Variants in PDE9A observed in about 807,000 individuals in gnomAD.
PDE9A encodes the protein phosphodiesterase 9A, also known as high affinity cGMP-specific 3',5'-cyclic phosphodiesterase 9A.
In PDE9A, 60 loss-of-function variants were observed where a neutral mutation model predicts 87.4. The observed-to-expected ratio is 0.69, with a 90% CI of 0.56 to 0.85. PDE9A has a LOEUF of 0.85. Ranked by LOEUF, PDE9A falls within the 40% of genes least tolerant of loss-of-function variation. The pLI is 0.00. For missense variants in PDE9A, 665 were observed against 779.0 expected (o/e 0.85, Z 1.74); for synonymous variants, 272 against 279.4 (o/e 0.97, Z 0.27).
chr21:42,668,853 C>G (rs1019118769), intron 1 of PDE9A, among the ~76,000 whole-genome samples: 13 of 147,100 alleles, frequency 8.8e-5, no homozygotes, highest in African/African-American at 3.1e-4. Flanking sequence ...GAACATCCTC[C>G]GTCGGGAGAG....
chr21:42,767,830 A>G (rs1019360790), intron 15 of PDE9A, among the ~76,000 whole-genome samples: 10 of 152,180 alleles, frequency 6.6e-5, no homozygotes, highest in Admixed American at 6.5e-4. Flanking sequence ...CTCCTATGGC[A>G]TGCCCAACCC....
intron 1 of PDE9A, among the ~76,000 whole-genome samples, chr21:42,670,336 TCACATACATTTACACACACATC>T (rs1569117722): frequency 3.2e-5 from 3 of 93,728 alleles, no homozygotes; most frequent in African/African-American, 5.3e-5. Context: ...TCACACACAT[TCACATACATTTACACACACATC>T]CACACACACA....
At chr21:42,732,743 C>T (rs1454337577) in intron 6 of PDE9A, among the ~76,000 whole-genome samples, 2 of 152,032 alleles carry the variant, frequency 1.3e-5, no homozygotes, top group African/African-American at 4.8e-5. Flanking sequence ...GGAGAAACCC[C>T]GTCTCTACGA....
At chr21:42,761,656 A>T (rs978742385) in intron 13 of PDE9A, among the ~76,000 whole-genome samples, 3 of 152,050 alleles carry the variant, frequency 2.0e-5, no homozygotes, top group African/African-American at 7.2e-5. Flanking sequence ...CACCATGCAC[A>T]CCCATCTGTT....
In PDE9A at chr21:42,771,320, A is replaced by T. The variant is rs1231067046; in HGVS notation, c.1686+522A>T. On this transcript the variant is annotated intron_variant, in intron 18 of 19. Coordinates refer to ENST00000291539, the MANE Select transcript of PDE9A (RefSeq NM_002606.3). ...GGGGCTGGCTTTAGGTTGCTGCTGGATAGATATCATTTTGGAGGAAGGGGT... is the reference window on the plus strand; with the variant it reads ...GGGGCTGGCTTTAGGTTGCTGCTGGTTAGATATCATTTTGGAGGAAGGGGT... 2.0e-5 allele frequency among the ~76,000 whole-genome samples: 3 copies of T among 152,160 alleles called. No homozygotes were observed. The East Asian group carries it at 5.8e-4, about 29-fold the overall frequency.
At chr21:42,720,809 C>T (rs1447877968) in intron 4 of PDE9A, among the ~76,000 whole-genome samples, 1 of 152,088 alleles carries the variant, frequency 6.6e-6, no homozygotes, top group Non-Finnish European at 1.5e-5. Flanking sequence ...AGTTCGAGAC[C>T]AGCCTGGCCA....
intron 3 of PDE9A, among the ~76,000 whole-genome samples, chr21:42,698,373 C>T (rs1332262139): frequency 6.6e-6 from 1 of 152,224 alleles, no homozygotes. Flanking sequence ...ATGCCTGTTC[C>T]ATTGGCTGCA....
Position 42,653,713 on chromosome 21 carries a change from G to GGGGGGCCCCC in PDE9A, c.-102_-101insGGGGGCCCCC. 1 of 292,976 alleles carries GGGGGGCCCCC rather than the reference G, an allele frequency of 3.4e-6. No homozygotes were observed. Among genetic ancestry groups the GGGGGGCCCCC allele is most frequent in the Non-Finnish European group, 6.4e-6 (1 of 157,278 alleles). The allele number at this position is 292,976 out of a possible 1,614,324, so 18.1% of individuals were successfully genotyped here. On this transcript the variant is annotated 5_prime_UTR_variant, in exon 1 of 20. Transcript: ENST00000291539. The stretch of plus-strand genomic sequence containing the variant: ...TGTGGTTGGCTGAGCGCCGCGGGCC[G>GGGGGGCCCCC]CCCCCCGCCCGCCCCCTCCCCTGCT...
chr21:42,765,573 A>G (rs991937928), intron 15 of PDE9A, 79 bp downstream of exon 15: 1 of 776,198 alleles, frequency 1.3e-6, no homozygotes, highest in South Asian at 1.4e-5. Flanking sequence ...TCACACTGGA[A>G]GCCAAGAAGC....
At chr21:42,726,032 T>A (rs2050997111) in intron 4 of PDE9A, among the ~76,000 whole-genome samples, 1 of 152,204 alleles carries the variant, frequency 6.6e-6, no homozygotes, top group African/African-American at 2.4e-5. Context: ...CAGTGGTGTC[T>A]CACTGTGGTT....
intron 4 of PDE9A, among the ~76,000 whole-genome samples, chr21:42,706,811 T>G (rs1459690077): frequency 6.6e-6 from 1 of 151,358 alleles, no homozygotes; most frequent in Non-Finnish European, 1.5e-5. Context: ...TGGCAGGCCC[T>G]GTTCTCTGTC....
intron 13 of PDE9A, 125 bp from the exon 14 acceptor site, chr21:42,761,958 C>G (rs2055824122): frequency 1.0e-6 from 1 of 957,394 alleles, no homozygotes; most frequent in Admixed American, 2.4e-5. Flanking sequence ...CAGGCAGCTC[C>G]CCCAGCCCCC....
In PDE9A at chr21:42,667,020, G is replaced by A. The variant is rs532951071; in HGVS notation, c.69+13137G>A. Among the ~76,000 whole-genome samples, 657 of 133,934 alleles carry A rather than the reference G, an allele frequency of 4.9e-3. 1 individual carries two copies. The highest frequency in any genetic ancestry group is 0.019 in the Middle Eastern group (5 of 266). 87.9% of individuals were successfully genotyped at this position (133,934 alleles called of 152,430 possible). The stretch of plus-strand genomic sequence containing the variant: ...CTCCAGGCTGTCCCCACTCCCCCCC[G>A]CCCCAACCCCAGCATGTTGAGGCGC... On this transcript the variant is annotated intron_variant, in intron 1 of 19. Transcript: ENST00000291539.
chr21:42,655,113 C>T (rs2056952645), intron 1 of PDE9A, among the ~76,000 whole-genome samples: 1 of 152,100 alleles, frequency 6.6e-6, no homozygotes, highest in African/African-American at 2.4e-5. Flanking sequence ...CTCACACACA[C>T]ACACACATGC....
chr21:42,775,120 T>C (rs1306569221), intron 19 of PDE9A, among the ~76,000 whole-genome samples, 160 bp from the exon 20 acceptor site: 1 of 151,958 alleles, frequency 6.6e-6, no homozygotes, highest in African/African-American at 2.4e-5. Flanking sequence ...TTTTCTATTT[T>C]TAGTAGAGAC....
chr21:42,671,693 T>C (rs2058571716), intron 1 of PDE9A, among the ~76,000 whole-genome samples: 1 of 152,246 alleles, frequency 6.6e-6, no homozygotes, highest in South Asian at 2.1e-4. Flanking sequence ...ACTTGCAATG[T>C]TTCTTCAGTG....
Position 42,726,593 on chromosome 21 carries a change from CATATAT to C in PDE9A, c.263-5150_263-5145del, listed in dbSNP as rs898602288. Among the ~76,000 whole-genome samples, 7 of 38,232 alleles carry C rather than the reference CATATAT, an allele frequency of 1.8e-4. 1 individual carries two copies. Among genetic ancestry groups the C allele is most frequent in the East Asian group, 9.0e-4 (1 of 1,116 alleles). The allele number at this position is 38,232 out of a possible 152,430, so 25.1% of individuals were successfully genotyped here. A position where few individuals can be genotyped will look rare whatever the true frequency, so the allele number is the denominator to read the frequency against. ...ATTACTGAATGCCACCACGCCTGGC[CATATAT>C]ATATATATATATATATATATATATA... On this transcript the variant is annotated intron_variant, in intron 4 of 19. Coordinates refer to ENST00000291539, the MANE Select transcript of PDE9A (RefSeq NM_002606.3).
At chr21:42,736,125 C>G (rs1044988822) in intron 7 of PDE9A, among the ~76,000 whole-genome samples, 3 of 152,254 alleles carry the variant, frequency 2.0e-5, no homozygotes, top group South Asian at 2.1e-4. Context: ...CCTTCCCCAT[C>G]TCCTACGCCC....
chr21:42,662,462 G>A (rs1022672555), intron 1 of PDE9A, among the ~76,000 whole-genome samples: 4 of 150,328 alleles, frequency 2.7e-5, no homozygotes, highest in Admixed American at 2.6e-4. Flanking sequence ...ACATATACAC[G>A]CACACACCCA....
Sources: allele counts gnomAD v4.1 joint callset (sites outside exome capture counted in the v4.1 genomes callset), GRCh38; gene constraint gnomAD v4.1.1; transcripts MANE v1.5; gene names NCBI Gene and HGNC (gene_info 2026-07-23, HGNC 2026-07-21).